KCNH7: variants seen among roughly 807,000 people sequenced by gnomAD.
The protein encoded by KCNH7 is potassium voltage-gated channel subfamily H member 7.
A neutral mutation model predicts 120.8 loss-of-function variants in KCNH7; 49 were observed. The observed-to-expected ratio is 0.41, with a 90% CI of 0.32 to 0.51. The LOEUF is 0.51. Among genes scored for constraint, KCNH7 ranks in the 20% least tolerant of loss-of-function variants. The pLI is 0.38. For missense variants in KCNH7, 1,097 were observed against 1,446.6 expected (o/e 0.76, Z 3.92); for synonymous variants, 547 against 516.1 (o/e 1.06, Z -0.81).
intron 9 of KCNH7, 71 bp from the exon 10 acceptor site, chr2:162,400,512 C>G (rs1431881432): frequency 6.6e-7 from 1 of 1,515,876 alleles, no homozygotes; most frequent in African/African-American, 1.4e-5. Flanking sequence ...CAGTCAATTT[C>G]TTGCTCACAG....
At chr2:162,633,128 C>A (rs904763740) in intron 2 of KCNH7, among the ~76,000 whole-genome samples, 1 of 151,798 alleles carries the variant, frequency 6.6e-6, no homozygotes, top group African/African-American at 2.4e-5. Flanking sequence ...GATCTTAACT[C>A]CTTTTTGTTT....
At chr2:162,470,428 C>G (rs1254594908) in intron 6 of KCNH7, among the ~76,000 whole-genome samples, 3 of 144,742 alleles carry the variant, frequency 2.1e-5, no homozygotes, top group African/African-American at 7.4e-5. Context: ...ACCCTACGCC[C>G]GGCAGCCGCC....
intron 6 of KCNH7, among the ~76,000 whole-genome samples, chr2:162,447,182 C>G (rs1688608522): frequency 6.6e-6 from 1 of 151,902 alleles, no homozygotes; most frequent in Non-Finnish European, 1.5e-5. Flanking sequence ...GTTTAGACAC[C>G]AAGTGGTACT....
intron 2 of KCNH7, among the ~76,000 whole-genome samples, chr2:162,544,847 C>T (rs1692424644): frequency 6.6e-6 from 1 of 152,060 alleles, no homozygotes; most frequent in African/African-American, 2.4e-5. Context: ...GGCTCATGAC[C>T]GTTTTCCTTC....
chr2:162,576,849 T>C (rs1693685886), intron 2 of KCNH7, among the ~76,000 whole-genome samples: 1 of 151,980 alleles, frequency 6.6e-6, no homozygotes, highest in Admixed American at 6.6e-5. Context: ...GAACAGAAAC[T>C]CTTTCAACTA....
intron 4 of KCNH7, among the ~76,000 whole-genome samples, chr2:162,516,075 A>G (rs1435560365): frequency 1.3e-5 from 2 of 151,700 alleles, no homozygotes; most frequent in African/African-American, 2.4e-5. Flanking sequence ...TCAACATCAC[A>G]TGGTCTTCTC....
At chr2:162,679,125 T>C (rs917197620) in intron 2 of KCNH7, among the ~76,000 whole-genome samples, 2 of 151,576 alleles carry the variant, frequency 1.3e-5, no homozygotes, top group Non-Finnish European at 3.0e-5. Context: ...ACAGAGTGAC[T>C]CTTTTTAGCA....
At chr2:162,559,629 T>C (rs529757512) in intron 2 of KCNH7, among the ~76,000 whole-genome samples, 11 of 152,336 alleles carry the variant, frequency 7.2e-5, no homozygotes, top group African/African-American at 2.4e-4. Context: ...TCATTACCCT[T>C]ATCACACTTC....
rs373094629 is a variant in KCNH7 at position 162,752,182 on chromosome 2, G to A, written c.307+84355C>T. Among the ~76,000 whole-genome samples, 18 of 152,130 alleles carry A rather than the reference G, an allele frequency of 1.2e-4. No individual in the cohort carries two copies. The East Asian group carries it at 2.3e-3, about 20-fold the overall frequency. On this transcript the variant is annotated intron_variant, in intron 2 of 15. Transcript: ENST00000332142. Reference sequence around the variant, plus strand: ...AAATACTTTTTCTATGTTCAGACAGGGTCATACTTTGAAATTAGCCTAGGT... The same window carrying A: ...AAATACTTTTTCTATGTTCAGACAGAGTCATACTTTGAAATTAGCCTAGGT...
chr2:162,638,500 T>A (rs1684038783), intron 2 of KCNH7, among the ~76,000 whole-genome samples: 1 of 152,066 alleles, frequency 6.6e-6, no homozygotes, highest in East Asian at 1.9e-4. Context: ...ACCTTACTGA[T>A]AAACAACATG....
At chr2:162,424,912 G>A (rs974886034) in intron 8 of KCNH7, among the ~76,000 whole-genome samples, 1 of 152,126 alleles carries the variant, frequency 6.6e-6, no homozygotes, top group Non-Finnish European at 1.5e-5. Flanking sequence ...AGTGTGCCTG[G>A]ATATTTGGTT....
chr2:162,754,236 A>G (rs1327392462), intron 2 of KCNH7, among the ~76,000 whole-genome samples: 2 of 152,076 alleles, frequency 1.3e-5, no homozygotes, highest in African/African-American at 2.4e-5. Flanking sequence ...AGATTACTAC[A>G]ATAGATCAAG....
chr2:162,483,882 C>A (rs1180729451), intron 6 of KCNH7, among the ~76,000 whole-genome samples: 1 of 152,068 alleles, frequency 6.6e-6, no homozygotes, highest in Non-Finnish European at 1.5e-5. Flanking sequence ...TAGGAGGAGT[C>A]AGGCTACAAA....
chr2:162,521,996 G>A lies in KCNH7; in HGVS notation c.464-3838C>T, dbSNP rs538652642. ...ACATGACAATGTGCAGACAAACCAC[G>A]AGTACATTCAACATTAAACTCTGGA... On this transcript the variant is annotated intron_variant, in intron 3 of 15. Coordinates refer to ENST00000332142, the MANE Select transcript of KCNH7 (RefSeq NM_033272.4). Among the ~76,000 whole-genome samples the A allele has an allele frequency of 1.1e-3, 164 of 151,854 alleles. No homozygotes were observed. In the Middle Eastern group the frequency reaches 0.014, roughly 13 times the overall value.
rs573377805 is a variant in KCNH7, at chr2:162,466,292, C to G, written c.1129-19849G>C. Among the ~76,000 whole-genome samples, 10 of 152,238 alleles carry G rather than the reference C, an allele frequency of 6.6e-5. No homozygotes were observed. The East Asian group carries it at 1.9e-3, about 29-fold the overall frequency. On this transcript the variant is annotated intron_variant, in intron 6 of 15. Coordinates refer to ENST00000332142, the MANE Select transcript of KCNH7 (RefSeq NM_033272.4). Reference sequence around the variant, plus strand: ...TGCTGCTATAAAGAACCGCCCAAGACTGGGTAATTTATAAAAAGAAGAGGT... The same window carrying G: ...TGCTGCTATAAAGAACCGCCCAAGAGTGGGTAATTTATAAAAAGAAGAGGT...
At chr2:162,650,408 A>C (rs563842295) in intron 2 of KCNH7, among the ~76,000 whole-genome samples, 1 of 152,284 alleles carries the variant, frequency 6.6e-6, no homozygotes, top group African/African-American at 2.4e-5. Context: ...TACATAATTT[A>C]GGATCCAGTT....
chr2:162,643,234 GC>G (rs886918575), intron 2 of KCNH7, among the ~76,000 whole-genome samples: 2 of 151,586 alleles, frequency 1.3e-5, no homozygotes, highest in African/African-American at 2.4e-5. Flanking sequence ...CTGGCTCAGA[GC>G]AGCCCCAGGT....
chr2:162,436,913 C>A (rs1466390333), intron 7 of KCNH7, among the ~76,000 whole-genome samples: 1 of 151,820 alleles, frequency 6.6e-6, no homozygotes, highest in African/African-American at 2.4e-5. Flanking sequence ...TATTTGAGAC[C>A]AGCCTGGGCA....
intron 6 of KCNH7, among the ~76,000 whole-genome samples, chr2:162,471,018 G>A (rs1273322232): frequency 1.3e-5 from 2 of 152,146 alleles, no homozygotes; most frequent in African/African-American, 4.8e-5. Context: ...GGTGCAAGAT[G>A]TGCTTTGTTA....
Sources: allele counts gnomAD v4.1 joint callset (sites outside exome capture counted in the v4.1 genomes callset), GRCh38; gene constraint gnomAD v4.1.1; transcripts MANE v1.5; gene names NCBI Gene and HGNC (gene_info 2026-07-23, HGNC 2026-07-21).